RSPRY1: variants seen among roughly 807,000 people sequenced by gnomAD.
RSPRY1 encodes ring finger and SPRY domain containing 1.
In RSPRY1, 23 loss-of-function variants were observed where a neutral mutation model predicts 73.1. The ratio of observed to expected loss-of-function variants is 0.31; its 90% CI spans 0.23 to 0.45. The LOEUF (loss-of-function observed/expected upper bound fraction) is 0.45, where lower values mean the gene tolerates loss of function less well. Ranked by LOEUF, RSPRY1 falls within the 20% of genes least tolerant of loss-of-function variation. The pLI is 1.00. For synonymous variants in RSPRY1, 226 were observed against 251.4 expected, an observed-to-expected ratio of 0.90 and a Z score of 0.95; for missense variants, 448 against 698.7, an observed-to-expected ratio of 0.64 and a Z score of 4.05.
Position 57,198,362 on chromosome 16 carries a change from C to T in RSPRY1, c.-155-6142C>T, listed in dbSNP as rs540448130. The stretch of plus-strand genomic sequence containing the variant: ...TCACGCCACTGCACTCCAGCCTGGG[C>T]GACAGAGCAAGACTCCGTCTCAAAA... On this transcript the variant is annotated intron_variant, in intron 1 of 14. Transcript: ENST00000394420. 6.7e-5 allele frequency among the ~76,000 whole-genome samples: 10 copies of T among 148,504 alleles called. No homozygotes were observed. In the South Asian group the frequency reaches 1.5e-3, roughly 23 times the overall value.
chr16:57,225,159 C>G (rs1330499965), intron 10 of RSPRY1, among the ~76,000 whole-genome samples: 1 of 152,260 alleles, frequency 6.6e-6, no homozygotes, highest in Non-Finnish European at 1.5e-5. Flanking sequence ...CTCCCAGGTT[C>G]AGGCGATTCT....
intron 1 of RSPRY1, among the ~76,000 whole-genome samples, chr16:57,192,706 CTCT>C (rs1248929293): frequency 2.1e-5 from 3 of 143,926 alleles, no homozygotes; most frequent in African/African-American, 7.7e-5. Context: ...TTTCCAGAGA[CTCT>C]TTTTTTTTTT....
intron 1 of RSPRY1, among the ~76,000 whole-genome samples, chr16:57,193,835 G>A (rs1021350341): frequency 5.3e-5 from 8 of 152,134 alleles, no homozygotes; most frequent in African/African-American, 9.7e-5. Context: ...GGAGGCCGAG[G>A]TGGACAGATC....
intron 1 of RSPRY1, among the ~76,000 whole-genome samples, chr16:57,199,895 G>GTTTTTTTTTTTTTTTTTTTTTT (rs61132783): frequency 9.4e-6 from 1 of 106,280 alleles, no homozygotes. Context: ...TTTTTTGTTT[G>GTTTTTTTTTTTTTTTTTTTTTT]TTTTTTTTTT....
intron 11 of RSPRY1, among the ~76,000 whole-genome samples, chr16:57,230,226 G>A (rs910728007): frequency 1.3e-5 from 2 of 150,676 alleles, no homozygotes; most frequent in African/African-American, 2.4e-5. Context: ...GGCCAGGCTG[G>A]TCTTCAAACT....
intron 8 of RSPRY1, among the ~76,000 whole-genome samples, chr16:57,218,310 C>T (rs1229083382): frequency 6.6e-6 from 1 of 152,118 alleles, no homozygotes; most frequent in South Asian, 2.1e-4. Context: ...TAGAAACATT[C>T]CAATTATACT....
chr16:57,228,896 T>C (rs537978560), intron 11 of RSPRY1, among the ~76,000 whole-genome samples: 31 of 152,316 alleles, frequency 2.0e-4, no homozygotes, highest in Non-Finnish European at 3.4e-4. Flanking sequence ...GATTTTGCCA[T>C]GTTGCCCTGG....
rs1399394241 is a variant in RSPRY1 at position 57,222,749 on chromosome 16, G to A, written c.1161+1334G>A. Among the ~76,000 whole-genome samples the A allele has an allele frequency of 3.3e-5, 5 of 152,192 alleles. No individual in the cohort carries two copies. In the South Asian group the frequency reaches 1.0e-3, roughly 31 times the overall value. ...GAGAATTAGCTAGTTTCCTCATTTG[G>A]AAGTGAAAAATTGTTCTAGAACTAG... On this transcript the variant is annotated intron_variant, in intron 10 of 14. Transcript: ENST00000394420.
intron 4 of RSPRY1, among the ~76,000 whole-genome samples, chr16:57,210,027 TTCCC>T (rs3054336): frequency 3.9e-5 from 4 of 103,350 alleles, no homozygotes; most frequent in Admixed American, 1.1e-4. Flanking sequence ...CTTTCTTTCT[TTCCC>T]TCCCTCCCTC....
At chr16:57,216,349 T>C in intron 7 of RSPRY1, 176 bp downstream of exon 7, 2 of 522,894 alleles carry the variant, frequency 3.8e-6, no homozygotes, top group Admixed American at 7.0e-5. Context: ...AAGGCAAGGA[T>C]TTTCTCACCT....
chr16:57,201,831 C>G (rs1009568474), intron 1 of RSPRY1, among the ~76,000 whole-genome samples: 2 of 152,022 alleles, frequency 1.3e-5, no homozygotes, highest in African/African-American at 4.8e-5. Context: ...TGGCGGTGCG[C>G]GCCTGCAATC....
Position 57,216,154 on chromosome 16 carries a change from G to A in RSPRY1, c.750G>A (p.Leu250=), listed in dbSNP as rs1438032440. 6.2e-7 allele frequency: 1 copy of A among 1,611,258 alleles called. No homozygotes were observed. Among genetic ancestry groups the A allele is most frequent in the Non-Finnish European group, 8.5e-7 (1 of 1,178,760 alleles). ...TCATGCTTTTTGCACTTATCGCACT[G>A]GAAAAGTTTGCACAGACAAGTAGGT... is the stretch of plus-strand genomic sequence containing the variant. ...PTVMLFALIA[L]EKFAQTSENK... Residue 250 remains leucine, a synonymous_variant, in exon 7 of 15, where the codon CTG becomes CTA. Coordinates refer to ENST00000394420, the MANE Select transcript of RSPRY1 (RefSeq NM_133368.3).
Position 57,202,164 on chromosome 16 carries a change from A to T in RSPRY1, c.-155-2340A>T, listed in dbSNP as rs1301309834. ...AGCAAGACCCCATCTCTAAAAAAAT[A>T]AAAAATAAAAAATCTTGTCTCAGAG... On this transcript the variant is annotated intron_variant, in intron 1 of 14. Coordinates refer to ENST00000394420, the MANE Select transcript of RSPRY1 (RefSeq NM_133368.3). Among the ~76,000 whole-genome samples, 3 of 151,972 alleles carry T rather than the reference A, an allele frequency of 2.0e-5. No individual in the cohort carries two copies. The East Asian group carries it at 5.8e-4, about 29-fold the overall frequency.
chr16:57,202,878 T>TTA (rs55701001), intron 1 of RSPRY1, among the ~76,000 whole-genome samples: 4,371 of 131,506 alleles, frequency 0.033, 110 homozygotes, highest in Middle Eastern at 0.05. Context: ...TTACATATGA[T>TTA]TATATATATA....
intron 1 of RSPRY1, among the ~76,000 whole-genome samples, chr16:57,201,540 A>G (rs1306010065): frequency 1.9e-4 from 29 of 151,860 alleles, no homozygotes; most frequent in Non-Finnish European, 3.2e-4. Context: ...GACACTCCTC[A>G]CTTCCCAGAC....
chr16:57,218,537 A>G (rs2074977351), intron 8 of RSPRY1, among the ~76,000 whole-genome samples: 1 of 151,180 alleles, frequency 6.6e-6, no homozygotes, highest in South Asian at 2.1e-4. Flanking sequence ...TTCTATCTTC[A>G]TGAGTTCAGT....
chr16:57,232,274 A>C (rs2075235132), intron 13 of RSPRY1, among the ~76,000 whole-genome samples: 1 of 152,168 alleles, frequency 6.6e-6, no homozygotes. Context: ...TCACCTTGGA[A>C]TCACTGTCTC....
chr16:57,203,208 A>G (rs1176465291), intron 1 of RSPRY1, among the ~76,000 whole-genome samples: 1 of 152,126 alleles, frequency 6.6e-6, no homozygotes, highest in Non-Finnish European at 1.5e-5. Context: ...AGGTAGGAGA[A>G]TTGCTTGAAC....
In RSPRY1 at chr16:57,213,909, T is replaced by A; in HGVS notation, c.665T>A (p.Leu222His). Reference protein sequence around the residue: ...KLAGPASIGLLSPGILEYLLQ... With the variant: ...KLAGPASIGLHSPGILEYLLQ... ...CTAGGTCCTGCAAGTATAGGTTTACTTAGCCCAGGAATACTGGAATACTTG... is the reference window on the plus strand; with the variant it reads ...CTAGGTCCTGCAAGTATAGGTTTACATAGCCCAGGAATACTGGAATACTTG... Residue 222 changes from leucine to histidine, a missense_variant, in exon 6 of 15, where the codon CTT (leucine) becomes CAT (histidine). Physicochemically the swap from Leu to His is moderately conservative, Grantham distance 99. Transcript: ENST00000394420. 6.2e-7 allele frequency: 1 copy of A among 1,608,842 alleles called. No homozygotes were observed. The highest frequency in any genetic ancestry group is 8.5e-7 in the Non-Finnish European group (1 of 1,175,096).
Sources: gnomAD v4.1 joint callset for allele counts (sites outside exome capture counted in the v4.1 genomes callset) on GRCh38, gnomAD v4.1.1 for gene constraint, MANE v1.5 for transcripts, NCBI Gene and HGNC (gene_info 2026-07-23, HGNC 2026-07-21) for gene names.